The following EPB41L3 variants were observed in gnomAD, a reference collection of about 807,000 sequenced individuals.
EPB41L3 encodes the protein band 4.1-like protein 3.
Under a neutral mutation model 127.1 loss-of-function variants are expected in EPB41L3, and 57 were observed. The ratio of observed to expected loss-of-function variants is 0.45; its 90% CI spans 0.36 to 0.56. EPB41L3 has a LOEUF of 0.56. Among genes scored for constraint, EPB41L3 ranks in the 20% least tolerant of loss-of-function variants. EPB41L3 has a pLI of 0.00. For missense variants in EPB41L3, 1,273 were observed against 1,372.2 expected (o/e 0.93, Z 1.14); for synonymous variants, 572 against 549.5 (o/e 1.04, Z -0.57).
intron 2 of EPB41L3, among the ~76,000 whole-genome samples, chr18:5,613,462 C>T (rs748208805): frequency 1.2e-4 from 19 of 152,170 alleles, no homozygotes; most frequent in Non-Finnish European, 2.6e-4. Flanking sequence ...ATTCCTAGCC[C>T]TATTTCCCGT....
chr18:5,406,718 T>C (rs770646620), intron 16 of EPB41L3, 59 bp downstream of exon 16: 2 of 1,472,132 alleles, frequency 1.4e-6, no homozygotes, highest in African/African-American at 1.4e-5. Context: ...TTCCACACCC[T>C]GTAGAGAAGG....
intron 3 of EPB41L3, among the ~76,000 whole-genome samples, chr18:5,596,606 C>T (rs2094538984): frequency 6.6e-6 from 1 of 152,106 alleles, no homozygotes; most frequent in African/African-American, 2.4e-5. Context: ...CCTGATATTG[C>T]TGAGGTTATA....
At chr18:5,624,636 T>C (rs1381815494) in intron 1 of EPB41L3, among the ~76,000 whole-genome samples, 1 of 152,184 alleles carries the variant, frequency 6.6e-6, no homozygotes, top group Admixed American at 6.5e-5. Context: ...TGACATGGGA[T>C]TGGAACAACA....
chr18:5,436,646 G>T (rs1260612906), intron 6 of EPB41L3, among the ~76,000 whole-genome samples: 1 of 152,004 alleles, frequency 6.6e-6, no homozygotes, highest in Non-Finnish European at 1.5e-5. Context: ...CTGACCTCAT[G>T]ATCCACCTGC....
intron 1 of EPB41L3, among the ~76,000 whole-genome samples, chr18:5,531,731 CAAAAAA>C (rs57625472): frequency 2.9e-5 from 2 of 67,832 alleles, no homozygotes; most frequent in South Asian, 6.3e-4. Flanking sequence ...GACCCTGTCT[CAAAAAA>C]AAAAAAAAAA....
chr18:5,392,679 A>T lies in EPB41L3; in HGVS notation c.*806T>A, dbSNP rs2072608231. Reference sequence around the variant, plus strand: ...TAACTAAGAAAACAAAGCCACAGGAAGCCCAGCAGTTTCTCCTGAAGTGAA... The same window carrying T: ...TAACTAAGAAAACAAAGCCACAGGATGCCCAGCAGTTTCTCCTGAAGTGAA... On this transcript the variant is annotated 3_prime_UTR_variant, in exon 23 of 23. Transcript: ENST00000341928. The T allele has an allele frequency of 6.6e-6, 1 of 152,620 alleles. No individual in the cohort carries two copies. The highest frequency in any genetic ancestry group is 1.5e-5 in the Non-Finnish European group (1 of 68,040). The allele number at this position is 152,620 out of a possible 1,614,324, so 9.5% of individuals were successfully genotyped here.
At chr18:5,614,435 T>A (rs778305347) in intron 1 of EPB41L3, 2 of 152,166 alleles carry the variant, frequency 1.3e-5, no homozygotes, top group Admixed American at 6.5e-5. Context: ...TACATTCAAG[T>A]AGAATCAGAA....
intron 16 of EPB41L3, chr18:5,398,787 G>A: frequency 7.5e-6 from 3 of 399,386 alleles, no homozygotes; most frequent in Non-Finnish European, 1.3e-5. Context: ...CTCACTCTCG[G>A]GCACTTGCTC....
In EPB41L3 at chr18:5,543,245, GA is replaced by G. The variant is rs2093792956; in HGVS notation, c.-12+667del. ...CCGGGGGCCGCTGCCCCAGTTTGGG[GA>G]ACGAGGCAAGTTATATAAAAGCGGC... On this transcript the variant is annotated intron_variant, in intron 1 of 22. Transcript: ENST00000341928. The surrounding 1 kb of genome is among the most constrained non-coding windows in gnomAD (Gnocchi z 5.2). The G allele has an allele frequency of 6.6e-6, 1 of 151,146 alleles. No individual in the cohort carries two copies. Among genetic ancestry groups the G allele is most frequent in the South Asian group, 2.1e-4 (1 of 4,810 alleles). The allele number at this position is 151,146 out of a possible 1,614,324, so 9.4% of individuals were successfully genotyped here.
intron 5 of EPB41L3, among the ~76,000 whole-genome samples, chr18:5,443,321 T>C (rs750197374): frequency 5.3e-5 from 8 of 152,372 alleles, no homozygotes; most frequent in Non-Finnish European, 1.2e-4. Context: ...TAGTAAAATT[T>C]AGCAACTGTT....
intron 3 of EPB41L3, among the ~76,000 whole-genome samples, chr18:5,454,848 T>C (rs984157630): frequency 1.3e-5 from 2 of 152,226 alleles, no homozygotes; most frequent in African/African-American, 4.8e-5. Flanking sequence ...GTCTAAATTA[T>C]CTAGAGATGA....
At chr18:5,487,913 A>T (rs1265802005) in intron 2 of EPB41L3, among the ~76,000 whole-genome samples, 1 of 152,158 alleles carries the variant, frequency 6.6e-6, no homozygotes, top group African/African-American at 2.4e-5. Context: ...TATATCTCTT[A>T]TCTCAACATC....
intron 1 of EPB41L3, among the ~76,000 whole-genome samples, chr18:5,528,218 G>C (rs1040740195): frequency 6.6e-6 from 1 of 152,108 alleles, no homozygotes; most frequent in African/African-American, 2.4e-5. Flanking sequence ...CCCAAGCGTG[G>C]AGTGCAGTGG....
Position 5,406,902 on chromosome 18 carries a change from A to G in EPB41L3, c.2224T>C (p.Phe742Leu). The G allele has an allele frequency of 6.2e-7, 1 of 1,614,156 alleles. No homozygotes were observed. Among genetic ancestry groups the G allele is most frequent in the Non-Finnish European group, 8.5e-7 (1 of 1,180,014 alleles). Reference protein sequence around the residue: ...QTNISELKRTFLETSTDTAVT... With the variant: ...QTNISELKRTLLETSTDTAVT... ...GCAGTGTCTGTTGAGGTTTCTAAGA[A>G]GGTTCTTTTCAGCTCGCTAATGTTG... Residue 742 changes from phenylalanine (F) to leucine (L), a missense_variant, in exon 16 of 23, where the codon TTC becomes CTC. By Grantham distance (22) the Phe-to-Leu change is conservative. Around this residue, in one of 3 missense-constraint regions of EPB41L3, gnomAD observed 765 missense variants for 782.9 expected, o/e 0.98. Coordinates refer to ENST00000341928, the MANE Select transcript of EPB41L3 (RefSeq NM_012307.5).
At chr18:5,493,040 T>C (rs897128865) in intron 1 of EPB41L3, among the ~76,000 whole-genome samples, 1 of 152,196 alleles carries the variant, frequency 6.6e-6, no homozygotes, top group Non-Finnish European at 1.5e-5. Context: ...TTGTTCCTTT[T>C]CAGCTCTAAT....
chr18:5,525,896 T>C (rs554907039), intron 1 of EPB41L3, among the ~76,000 whole-genome samples: 2 of 152,178 alleles, frequency 1.3e-5, no homozygotes, highest in Non-Finnish European at 1.5e-5. Flanking sequence ...TCTGAGAAGA[T>C]GTCTTCTATT....
chr18:5,402,087 C>A (rs2143333636), intron 16 of EPB41L3, among the ~76,000 whole-genome samples: 1 of 151,728 alleles, frequency 6.6e-6, no homozygotes, highest in Middle Eastern at 3.4e-3. Context: ...GAATATTCTG[C>A]AGGACCTACC....
intron 1 of EPB41L3, among the ~76,000 whole-genome samples, chr18:5,525,314 G>C (rs981952836): frequency 1.3e-5 from 2 of 152,158 alleles, no homozygotes; most frequent in Admixed American, 1.3e-4. Context: ...AGCGCTCACA[G>C]ACGCCAGCAC....
upstream of EPB41L3, among the ~76,000 whole-genome samples, chr18:5,548,575 T>C (rs974838936): frequency 1.2e-4 from 19 of 152,228 alleles, no homozygotes; most frequent in Admixed American, 9.8e-4. Flanking sequence ...GACCCATACA[T>C]AGTATGTAAG....
Sources: allele counts gnomAD v4.1 joint callset (sites outside exome capture counted in the v4.1 genomes callset), GRCh38; gene constraint gnomAD v4.1.1; regional missense constraint gnomAD v4.1.1; non-coding constraint Gnocchi (gnomAD v3.1); transcripts MANE v1.5; gene names NCBI Gene and HGNC (gene_info 2026-07-23, HGNC 2026-07-21).